TUBB8B: variants seen among roughly 807,000 people sequenced by gnomAD.
TUBB8B encodes HSA18p11 beta-tubulin 4Q pseudogene.
TUBB8B carries 26 observed loss-of-function variants against 31.9 expected under a neutral mutation model. That is an observed-to-expected ratio of 0.81 (90% confidence interval 0.60 to 1.13). The LOEUF is 1.13. Among genes scored for constraint, TUBB8B ranks in the 50% most tolerant of loss-of-function variants. The pLI is 0.00. For synonymous variants in TUBB8B, 173 were observed against 231.0 expected (o/e 0.75, Z 2.28); for missense variants, 467 against 586.7 (o/e 0.80, Z 2.11).
In TUBB8B at chr18:48,874, G is replaced by A. The variant is rs192749607; in HGVS notation, c.277+66C>T. The A allele has an allele frequency of 9.4e-3, 10,476 of 1,119,732 alleles. 182 individuals are homozygous for A. Among genetic ancestry groups the A allele is most frequent in the Non-Finnish European group, 0.011 (7,828 of 731,078 alleles). The allele number at this position is 1,119,732 out of a possible 1,614,324, so 69.4% of individuals were successfully genotyped here. A position where few individuals can be genotyped will look rare whatever the true frequency, so the allele number is the denominator to read the frequency against. ...GCCACAGTTCCCACAGGATGACCTT[G>A]GGCACTCCTGGATTTTGAGCTGCCC... On this transcript the variant is annotated intron_variant, in intron 3 of 3. Coordinates refer to ENST00000308911, the MANE Select transcript of TUBB8B (RefSeq NM_001358689.2).
the TUBB8B span, among the ~76,000 whole-genome samples, chr18:68,818 A>G: frequency 2.0e-5 from 3 of 152,056 alleles, no homozygotes; most frequent in Admixed American, 2.0e-4. Context: ...CAAGGCATTC[A>G]ACCCCAGTGG....
chr18:47,428 C>T lies in TUBB8B; in HGVS notation c.1297G>A (p.Glu433Lys). 7.7e-7 allele frequency: 1 copy of T among 1,301,592 alleles called. No homozygotes were observed. The highest frequency in any genetic ancestry group is 1.2e-5 in the South Asian group (1 of 84,198). The allele number at this position is 1,301,592 out of a possible 1,614,324, so 80.6% of individuals were successfully genotyped here. ...TCCTCGGCATACTCCTCATCCTCCT[C>T]CTCCTCGGCCGTGGCATCCTGATAT... The part of the protein sequence containing the change: ...QQYQDATAEE[E>K]EDEEYAEEEV... Residue 433 changes from glutamate (E) to lysine (K), a missense_variant, in exon 4 of 4, where the codon GAG becomes AAG. Physicochemically the swap from Glu to Lys is moderately conservative, Grantham distance 56. This residue lies in a region of TUBB8B where 208 missense variants were observed against 206.7 expected (regional missense o/e 1.01). Coordinates refer to ENST00000308911, the MANE Select transcript of TUBB8B (RefSeq NM_001358689.2).
chr18:62,905 G>A, the TUBB8B span, among the ~76,000 whole-genome samples: 1 of 151,394 alleles, frequency 6.6e-6, no homozygotes, highest in African/African-American at 2.4e-5. Context: ...TCTTCTCCTT[G>A]ATCAATTTTT....
At chr18:58,218 T>A in the TUBB8B span, among the ~76,000 whole-genome samples, 1 of 151,410 alleles carries the variant, frequency 6.6e-6, no homozygotes, top group African/African-American at 2.4e-5. Flanking sequence ...GCTGCTCGAG[T>A]TCCTCTCTTG....
chr18:54,906 T>C, the TUBB8B span, among the ~76,000 whole-genome samples: 1 of 152,130 alleles, frequency 6.6e-6, no homozygotes, highest in East Asian at 1.9e-4. Flanking sequence ...TTTGCATTTC[T>C]ATGATGATCA....
In TUBB8B at chr18:48,162, G is replaced by A. The variant is rs1905790290; in HGVS notation, c.563C>T (p.Ser188Leu). 4 of 1,613,628 alleles carry A rather than the reference G, an allele frequency of 2.5e-6. No homozygotes were observed. Among genetic ancestry groups the A allele is most frequent in the Non-Finnish European group, 2.5e-6 (3 of 1,179,670 alleles). Reference protein sequence around the residue: ...TVVEPYNATLSVHQLIENADE... With the variant: ...TVVEPYNATLLVHQLIENADE... ...CGCGTTTTCTATGAGCTGGTGGACT[G>A]AGAGGGTGGCGTTGTAGGGCTCCAC... Residue 188 changes from serine (S) to leucine (L), a missense_variant, in exon 4 of 4, where the codon TCA (serine) becomes TTA (leucine). Around this residue, in one of 2 missense-constraint regions of TUBB8B, gnomAD observed 259 missense variants for 380.1 expected, o/e 0.68. Coordinates refer to ENST00000308911, the MANE Select transcript of TUBB8B (RefSeq NM_001358689.2).
chr18:66,179 C>T, the TUBB8B span, among the ~76,000 whole-genome samples: 26 of 152,104 alleles, frequency 1.7e-4, no homozygotes, highest in African/African-American at 6.3e-4. Flanking sequence ...CAATAAGCCA[C>T]GTTCGCACCA....
At chr18:69,974 T>C in the TUBB8B span, among the ~76,000 whole-genome samples, 4 of 152,000 alleles carry the variant, frequency 2.6e-5, no homozygotes, top group Non-Finnish European at 2.9e-5. Context: ...ATGGCCAACA[T>C]GGCGAAACCC....
At chr18:65,842 C>A in the TUBB8B span, among the ~76,000 whole-genome samples, 3 of 152,244 alleles carry the variant, frequency 2.0e-5, no homozygotes, top group African/African-American at 7.2e-5. Flanking sequence ...AACTAGTAAA[C>A]TACAACACAA....
At chr18:69,158 G>A in the TUBB8B span, among the ~76,000 whole-genome samples, 2 of 152,198 alleles carry the variant, frequency 1.3e-5, no homozygotes, top group Non-Finnish European at 2.9e-5. Flanking sequence ...TCTCAGTGTT[G>A]AACAAAAGGC....
the TUBB8B span, among the ~76,000 whole-genome samples, chr18:63,453 T>A: frequency 6.6e-6 from 1 of 151,472 alleles, no homozygotes; most frequent in South Asian, 2.1e-4. Context: ...AGTCTCTCTT[T>A]CTGTGCTAAG....
rs1243348670 is a variant in TUBB8B, at chr18:47,457, T to C, written c.1268A>G (p.Gln423Arg). The C allele has an allele frequency of 8.3e-6, 12 of 1,454,126 alleles. No homozygotes were observed. Among genetic ancestry groups the C allele is most frequent in the East Asian group, 2.3e-5 (1 of 43,832 alleles). The allele number at this position is 1,454,126 out of a possible 1,614,324, so 90.1% of individuals were successfully genotyped here. A position where few individuals can be genotyped will look rare whatever the true frequency, so the allele number is the denominator to read the frequency against. ...CTCGGCCGTGGCATCCTGATATTGC[T>C]GATATTCAGACACCAGGTCGTTCAT... is the stretch of plus-strand genomic sequence containing the variant. ...SNMNDLVSEY[Q>R]QYQDATAEEE... The change falls in exon 4 of 4, where the codon CAG becomes CGG. Residue 423 changes from glutamine to arginine, a missense_variant. Physicochemically the swap from Gln to Arg is conservative, Grantham distance 43. Around this residue, in one of 2 missense-constraint regions of TUBB8B, gnomAD observed 208 missense variants for 206.7 expected, o/e 1.01. Transcript: ENST00000308911.
the TUBB8B span, among the ~76,000 whole-genome samples, chr18:72,966 G>A: frequency 6.6e-6 from 1 of 152,166 alleles, no homozygotes; most frequent in Admixed American, 6.5e-5. Flanking sequence ...AGTCCGTCTC[G>A]AAAGAAACAA....
At chr18:62,111 T>C in the TUBB8B span, among the ~76,000 whole-genome samples, 4 of 151,852 alleles carry the variant, frequency 2.6e-5, no homozygotes, top group Non-Finnish European at 2.9e-5. Flanking sequence ...AGATACATTA[T>C]TCTAAAGTAA....
At chr18:50,279 G>A (rs1303503091), upstream of TUBB8B, 1 of 180,376 alleles carries the variant, frequency 5.5e-6, no homozygotes. Context: ...CCGAAACTGA[G>A]GAGTTATTTC....
In TUBB8B at chr18:48,710, G is replaced by A. The variant is rs373991764; in HGVS notation, c.277+230C>T. 4.6e-5 allele frequency: 31 copies of A among 680,134 alleles called. No individual in the cohort carries two copies. The East Asian group carries it at 4.6e-4, about 10-fold the overall frequency. 42.1% of individuals were successfully genotyped at this position (680,134 alleles called of 1,614,324 possible). ...CATTCTCAGGAAAGGCAGTAGCCAC[G>A]GCCCCAGCTCAGCTCCCGGCAGGGA... On this transcript the variant is annotated intron_variant, in intron 3 of 3. Coordinates refer to ENST00000308911, the MANE Select transcript of TUBB8B (RefSeq NM_001358689.2).
the TUBB8B span, among the ~76,000 whole-genome samples, chr18:71,437 C>T: frequency 6.6e-6 from 1 of 151,644 alleles, no homozygotes; most frequent in South Asian, 2.1e-4. Context: ...TTCCCAGCTA[C>T]TCAGGAGGCT....
upstream of TUBB8B, among the ~76,000 whole-genome samples, chr18:52,379 G>A (rs1906145443): frequency 1.3e-5 from 2 of 151,462 alleles, 1 homozygote; most frequent in Admixed American, 1.3e-4. Context: ...AGAGAAAGTG[G>A]CAAACATCTT....
the TUBB8B span, among the ~76,000 whole-genome samples, chr18:65,395 T>C: frequency 6.6e-6 from 1 of 152,140 alleles, no homozygotes; most frequent in South Asian, 2.1e-4. Context: ...CTACATCCTT[T>C]TCTCAGAAAA....
Sources: allele counts gnomAD v4.1 joint callset (sites outside exome capture counted in the v4.1 genomes callset), GRCh38; gene constraint gnomAD v4.1.1; regional missense constraint gnomAD v4.1.1; transcripts MANE v1.5; gene names NCBI Gene and HGNC (gene_info 2026-07-23, HGNC 2026-07-21).